B3GALT1: variants seen among roughly 807,000 people sequenced by gnomAD.
The protein encoded by B3GALT1 is UDP-Gal:betaGlcNAc beta 1,3-galactosyltransferase, polypeptide 1.
A neutral mutation model predicts 23.2 loss-of-function variants in B3GALT1; 10 were observed. The observed-to-expected ratio is 0.43, with a 90% CI of 0.27 to 0.73. B3GALT1 has a LOEUF of 0.73. Ranked by LOEUF, B3GALT1 falls within the 30% of genes least tolerant of loss-of-function variation. B3GALT1 has a pLI of 0.21. For synonymous variants in B3GALT1, 156 were observed against 141.5 expected (o/e 1.10, Z -0.73); for missense variants, 299 against 405.4 (o/e 0.74, Z 2.25).
intron 1 of B3GALT1, among the ~76,000 whole-genome samples, chr2:167,399,149 G>A (rs376889821): frequency 7.9e-5 from 12 of 152,260 alleles, no homozygotes; most frequent in South Asian, 2.1e-4. Flanking sequence ...CATTAGGTGC[G>A]TGATAGAATG....
rs140767476 is a variant in B3GALT1 at position 167,802,939 on chromosome 2, A to G, written c.-351-15733A>G. Among the ~76,000 whole-genome samples, 34 of 152,264 alleles carry G rather than the reference A, an allele frequency of 2.2e-4. No individual in the cohort carries two copies. In the East Asian group the frequency reaches 4.2e-3, roughly 19 times the overall value. ...TAGTATTTTTTTATCACAAAGGTATATATTCACATTGGAAAAAATAATAGT... is the reference window on the plus strand; with the variant it reads ...TAGTATTTTTTTATCACAAAGGTATGTATTCACATTGGAAAAAATAATAGT... On this transcript the variant is annotated intron_variant, in intron 3 of 4. Transcript: ENST00000392690.
chr2:167,869,972 G>T lies in B3GALT1; in HGVS notation c.933G>T (p.Met311Ile). 6.2e-7 allele frequency: 1 copy of T among 1,610,738 alleles called. No individual in the cohort carries two copies. Among genetic ancestry groups the T allele is most frequent in the South Asian group, 1.1e-5 (1 of 90,940 alleles). Residue 311 changes from methionine (M) to isoleucine (I), a missense_variant, in exon 5 of 5, where the codon ATG becomes ATT. By Grantham distance (10) the Met-to-Ile change is conservative. Around this residue, in one of 3 missense-constraint regions of B3GALT1, gnomAD observed 133 missense variants for 204.8 expected, o/e 0.65. Coordinates refer to ENST00000392690, the MANE Select transcript of B3GALT1 (RefSeq NM_020981.4). The surrounding 1 kb of genome is among the most constrained non-coding windows in gnomAD (Gnocchi z 6.4). ...TGCATCAGATCTCTCCAGAAGAAAT[G>T]CACAGAATCTGGAATGACATGTCAA... ...ITVHQISPEE[M>I]HRIWNDMSSK...
In B3GALT1 at chr2:167,417,830, A is replaced by AT. The variant is rs540277647; in HGVS notation, c.-510-72345dup. ...GTTCTCTGACAAAATGAGTTTTCCC[A>AT]TTGCTCTGGTGACTCAGATGCTATA... On this transcript the variant is annotated intron_variant, in intron 1 of 4. Coordinates refer to ENST00000392690, the MANE Select transcript of B3GALT1 (RefSeq NM_020981.4). Among the ~76,000 whole-genome samples, 59 of 152,300 alleles carry AT rather than the reference A, an allele frequency of 3.9e-4. No homozygotes were observed. In the East Asian group the frequency reaches 0.011, roughly 28 times the overall value.
At chr2:167,674,359 C>T (rs776195278) in intron 3 of B3GALT1, among the ~76,000 whole-genome samples, 1 of 152,080 alleles carries the variant, frequency 6.6e-6, no homozygotes, top group Admixed American at 6.6e-5. Flanking sequence ...ATAGCTACTA[C>T]ATTTTTTTCA....
chr2:167,672,162 TCC>T (rs1686342485), intron 3 of B3GALT1, among the ~76,000 whole-genome samples: 2 of 152,158 alleles, frequency 1.3e-5, no homozygotes, highest in African/African-American at 2.4e-5. Context: ...TCAGAAAGTT[TCC>T]AGCTTCCCTT....
At chr2:167,320,547 G>C (rs11894880) in intron 1 of B3GALT1, among the ~76,000 whole-genome samples, 1 of 151,922 alleles carries the variant, frequency 6.6e-6, no homozygotes. Flanking sequence ...TAGATTCATT[G>C]TAGAGCTGGA....
At position 167,748,148 on chromosome 2, in the gene B3GALT1, C is replaced by T. The variant is rs1231461590; in HGVS notation, c.-351-70524C>T. Among the ~76,000 whole-genome samples the T allele has an allele frequency of 4.6e-5, 7 of 152,000 alleles. No individual in the cohort carries two copies. The East Asian group carries it at 9.6e-4, about 21-fold the overall frequency. On this transcript the variant is annotated intron_variant, in intron 3 of 4. Transcript: ENST00000392690. Reference sequence around the variant, plus strand: ...CTATAATGCAAGTTAGACTATGATACGAGCTCTCTGGAAAGCACAGATGAA... The same window carrying T: ...CTATAATGCAAGTTAGACTATGATATGAGCTCTCTGGAAAGCACAGATGAA...
chr2:167,531,674 C>G (rs1207571059), intron 2 of B3GALT1, among the ~76,000 whole-genome samples: 1 of 152,096 alleles, frequency 6.6e-6, no homozygotes, highest in Admixed American at 6.6e-5. Context: ...CACTTTATTT[C>G]TTTCTCCTAT....
chr2:167,724,684 GA>G (rs1170795385), intron 3 of B3GALT1, among the ~76,000 whole-genome samples: 1 of 152,016 alleles, frequency 6.6e-6, no homozygotes, highest in African/African-American at 2.4e-5. Flanking sequence ...ATCTTTTTAA[GA>G]AAAAAGAGAA....
intron 3 of B3GALT1, among the ~76,000 whole-genome samples, chr2:167,694,813 G>A (rs186177987): frequency 2.0e-4 from 30 of 152,274 alleles, no homozygotes; most frequent in East Asian, 5.8e-4. Context: ...AAAATTTGCA[G>A]TCTCTTTATA....
At chr2:167,341,622 A>C (rs1233330379) in intron 1 of B3GALT1, among the ~76,000 whole-genome samples, 1 of 152,096 alleles carries the variant, frequency 6.6e-6, no homozygotes. Context: ...AGATCACACC[A>C]CTGCACTCCA....
At chr2:167,704,622 A>G (rs1018373047) in intron 3 of B3GALT1, among the ~76,000 whole-genome samples, 2 of 152,200 alleles carry the variant, frequency 1.3e-5, no homozygotes, top group South Asian at 2.1e-4. Flanking sequence ...TGGAATTACT[A>G]TAGACAGATG....
chr2:167,564,296 AGATGT>A (rs1684102715), intron 2 of B3GALT1, among the ~76,000 whole-genome samples: 1 of 147,402 alleles, frequency 6.8e-6, no homozygotes, highest in Admixed American at 6.7e-5. Flanking sequence ...CCCCCCTCCC[AGATGT>A]GATGGCGGCC....
chr2:167,790,437 T>A (rs1574263803), intron 3 of B3GALT1, among the ~76,000 whole-genome samples: 1 of 152,210 alleles, frequency 6.6e-6, no homozygotes, highest in South Asian at 2.1e-4. Flanking sequence ...GTGGCCACAG[T>A]TTCCTATTCT....
intron 2 of B3GALT1, among the ~76,000 whole-genome samples, chr2:167,625,592 A>G (rs1429376633): frequency 6.6e-6 from 1 of 151,804 alleles, no homozygotes; most frequent in East Asian, 1.9e-4. Flanking sequence ...CACATTCAGA[A>G]GGGAAAATCC....
chr2:167,310,467 AGACCTGGGTTAAATGAGGGCCAACCCAT>A (rs1696619304), intron 1 of B3GALT1, among the ~76,000 whole-genome samples: 1 of 152,100 alleles, frequency 6.6e-6, no homozygotes, highest in Non-Finnish European at 1.5e-5. Flanking sequence ...ATTTGATCAG[AGACCTGGGTTAAATGAGGGCCAACCCAT>A]GATAATAATT....
intron 3 of B3GALT1, among the ~76,000 whole-genome samples, chr2:167,692,423 A>G (rs959334949): frequency 1.3e-5 from 2 of 152,102 alleles, no homozygotes; most frequent in East Asian, 3.9e-4. Context: ...TCTACCTTGC[A>G]TCATATCCCA....
intron 3 of B3GALT1, among the ~76,000 whole-genome samples, chr2:167,789,266 C>A (rs985551787): frequency 2.0e-5 from 3 of 152,124 alleles, no homozygotes; most frequent in African/African-American, 7.2e-5. Flanking sequence ...TGATGACAGT[C>A]CTGAGCTCAT....
intron 1 of B3GALT1, among the ~76,000 whole-genome samples, chr2:167,408,717 G>A (rs958063112): frequency 1.4e-5 from 2 of 147,106 alleles, no homozygotes; most frequent in Admixed American, 6.8e-5. Flanking sequence ...GAAAAAAATC[G>A]AGAAACCAAG....
Sources: allele counts gnomAD v4.1 joint callset (sites outside exome capture counted in the v4.1 genomes callset), GRCh38; gene constraint gnomAD v4.1.1; regional missense constraint gnomAD v4.1.1; non-coding constraint Gnocchi (gnomAD v3.1); transcripts MANE v1.5; gene names NCBI Gene and HGNC (gene_info 2026-07-23, HGNC 2026-07-21).